DIAPH2: variants seen among roughly 807,000 people sequenced by gnomAD.
DIAPH2 encodes the protein protein diaphanous homolog 2.
In DIAPH2, 35 loss-of-function variants were observed where a neutral mutation model predicts 92.7. The ratio of observed to expected loss-of-function variants is 0.38; its 90% CI spans 0.29 to 0.50. The LOEUF (loss-of-function observed/expected upper bound fraction) is 0.50, where lower values mean the gene tolerates loss of function less well. Ranked by LOEUF, DIAPH2 falls within the 20% of genes least tolerant of loss-of-function variation. The probability of loss-of-function intolerance (pLI) is 0.94; values close to 1 mark genes in which losing one functional copy is unlikely to be tolerated. For missense variants in DIAPH2, 701 were observed against 819.5 expected (o/e 0.86, Z 1.77); for synonymous variants, 301 against 280.4 (o/e 1.07, Z -0.73).
chrX:97,340,806 C>A (rs1452601557), intron 23 of DIAPH2, among the ~76,000 whole-genome samples: 2 of 107,893 alleles, frequency 1.9e-5, no homozygotes, highest in African/African-American at 3.4e-5. Context: ...CAGGTACCCT[C>A]CACCACATCC....
At chrX:97,474,098 T>C (rs1206111448) in intron 26 of DIAPH2, among the ~76,000 whole-genome samples, 2 of 112,712 alleles carry the variant, frequency 1.8e-5, no homozygotes, top group African/African-American at 3.2e-5. Context: ...AGCAGTAGAG[T>C]TGAGCAATTG....
At chrX:96,987,389 C>A (rs2066039887) in intron 17 of DIAPH2, among the ~76,000 whole-genome samples, 1 of 111,489 alleles carries the variant, frequency 9.0e-6, no homozygotes, top group African/African-American at 3.2e-5. Flanking sequence ...CCATACACTA[C>A]TAGTTTTTAC....
intron 17 of DIAPH2, among the ~76,000 whole-genome samples, chrX:96,968,265 C>T (rs942760670): frequency 9.0e-6 from 1 of 110,660 alleles, no homozygotes; most frequent in African/African-American, 3.3e-5. Context: ...GCTGCCCAGG[C>T]TGGAATGCGA....
rs182996836 is a variant in DIAPH2 at position 97,563,672 on chromosome X, G to A, written c.3242-35581G>A. Among the ~76,000 whole-genome samples, 65 of 111,739 alleles carry A rather than the reference G, an allele frequency of 5.8e-4. No individual in the cohort carries two copies. The East Asian group carries it at 0.017, about 29-fold the overall frequency. Reference sequence around the variant, plus strand: ...TGAAGCTCTCGTGAGGCTCCTGAGTGGGCCGAGAAGTGGCAGATGAGCTTC... The same window carrying A: ...TGAAGCTCTCGTGAGGCTCCTGAGTAGGCCGAGAAGTGGCAGATGAGCTTC... On this transcript the variant is annotated intron_variant, in intron 26 of 26. Transcript: ENST00000324765.
At chrX:97,374,286 G>C (rs1457951378) in intron 24 of DIAPH2, among the ~76,000 whole-genome samples, 1 of 111,550 alleles carries the variant, frequency 9.0e-6, no homozygotes, top group African/African-American at 3.3e-5. Flanking sequence ...TGGTTTAGCA[G>C]ATTACCTATG....
chrX:97,518,904 G>A (rs746756320), intron 26 of DIAPH2, among the ~76,000 whole-genome samples: 22 of 111,460 alleles, frequency 2.0e-4, no homozygotes, highest in South Asian at 3.8e-4. Flanking sequence ...CAGGATTCCC[G>A]ATTCCAGCTC....
At chrX:97,152,978 G>T (rs1354504939) in intron 22 of DIAPH2, among the ~76,000 whole-genome samples, 1 of 111,865 alleles carries the variant, frequency 8.9e-6, no homozygotes, top group East Asian at 2.8e-4. Context: ...TATGTCCAGG[G>T]ATGAGAATCA....
intron 26 of DIAPH2, among the ~76,000 whole-genome samples, chrX:97,463,422 C>T (rs2070478109): frequency 9.1e-6 from 1 of 109,446 alleles, no homozygotes; most frequent in African/African-American, 3.3e-5. Context: ...GACTGAGTCT[C>T]ACTCTGTCAC....
intron 4 of DIAPH2, among the ~76,000 whole-genome samples, chrX:96,792,897 G>T (rs772751563): frequency 1.1e-4 from 12 of 111,221 alleles, no homozygotes; most frequent in Non-Finnish European, 1.7e-4. Flanking sequence ...AGTTTGTGTA[G>T]GCCTGGTAAT....
At chrX:97,451,569 G>A (rs1257102251) in intron 26 of DIAPH2, among the ~76,000 whole-genome samples, 1 of 111,442 alleles carries the variant, frequency 9.0e-6, no homozygotes, top group Non-Finnish European at 1.9e-5. Flanking sequence ...GAAAATAAGT[G>A]CAATGTTATT....
At chrX:97,141,869 A>G in intron 22 of DIAPH2, 75 bp downstream of exon 22, 1 of 1,040,780 alleles carries the variant, frequency 9.6e-7, no homozygotes, top group Non-Finnish European at 1.3e-6. Flanking sequence ...GAATCTGTAA[A>G]CATTATTCAT....
chrX:97,156,799 CAT>C (rs983466770), intron 22 of DIAPH2, among the ~76,000 whole-genome samples: 7 of 111,624 alleles, frequency 6.3e-5, no homozygotes, highest in Non-Finnish European at 7.5e-5. Flanking sequence ...TTTAACCACA[CAT>C]GATTCCCTGA....
chrX:96,897,665 A>T (rs1418697168), intron 5 of DIAPH2, among the ~76,000 whole-genome samples: 2 of 110,978 alleles, frequency 1.8e-5, no homozygotes, highest in Non-Finnish European at 3.8e-5. Flanking sequence ...TAAAAATCCA[A>T]GTTATTTGTA....
chrX:96,966,218 C>T (rs189792227), intron 17 of DIAPH2, among the ~76,000 whole-genome samples: 20 of 111,507 alleles, frequency 1.8e-4, no homozygotes, highest in African/African-American at 4.9e-4. Context: ...AGAATTTTGA[C>T]ATTTAAAAAA....
intron 3 of DIAPH2, among the ~76,000 whole-genome samples, chrX:96,756,968 A>T (rs1321925662): frequency 1.2e-5 from 1 of 82,708 alleles, no homozygotes; most frequent in Non-Finnish European, 2.2e-5. Context: ...CCCAGGCTGG[A>T]GTGCAGTGGT....
chrX:97,214,690 G>T (rs916083697), intron 22 of DIAPH2, among the ~76,000 whole-genome samples: 7 of 107,806 alleles, frequency 6.5e-5, no homozygotes, highest in African/African-American at 2.4e-4. Flanking sequence ...AATTAGGCGG[G>T]CAGGGTTGCG....
intron 17 of DIAPH2, among the ~76,000 whole-genome samples, chrX:97,036,366 C>A (rs2066410772): frequency 8.9e-6 from 1 of 112,156 alleles, no homozygotes; most frequent in East Asian, 2.8e-4. Context: ...AGTCAATATT[C>A]TTAGAAAATT....
At chrX:97,174,311 GA>G (rs1259117830) in intron 22 of DIAPH2, among the ~76,000 whole-genome samples, 1 of 110,303 alleles carries the variant, frequency 9.1e-6, no homozygotes, top group Non-Finnish European at 1.9e-5. Context: ...TTACTATGCT[GA>G]AAAAAGTCAG....
intron 25 of DIAPH2, among the ~76,000 whole-genome samples, chrX:97,426,578 C>T (rs1380968346): frequency 9.0e-6 from 1 of 110,578 alleles, no homozygotes; most frequent in Non-Finnish European, 1.9e-5. Flanking sequence ...GTGTGAGCCA[C>T]TGTGCCCGGC....
Sources: allele counts gnomAD v4.1 joint callset (sites outside exome capture counted in the v4.1 genomes callset), GRCh38; gene constraint gnomAD v4.1.1; transcripts MANE v1.5; gene names NCBI Gene and HGNC (gene_info 2026-07-23, HGNC 2026-07-21).